KCNH4: variants seen among roughly 807,000 people sequenced by gnomAD.
KCNH4 encodes the protein voltage-gated delayed rectifier potassium channel KCNH4.
In KCNH4, 33 loss-of-function variants were observed where a neutral mutation model predicts 90.7. That is an observed-to-expected ratio of 0.36 (90% CI 0.28 to 0.49). The LOEUF (loss-of-function observed/expected upper bound fraction) is 0.49, where lower values mean the gene tolerates loss of function less well. Ranked by LOEUF, KCNH4 falls within the 20% of genes least tolerant of loss-of-function variation. KCNH4 has a pLI of 0.98. For synonymous variants in KCNH4, 551 were observed against 581.7 expected (o/e 0.95, Z 0.76); for missense variants, 1,044 against 1,387.1 (o/e 0.75, Z 3.93).
At chr17:42,173,055 G>T (rs1465146021) in intron 6 of KCNH4, among the ~76,000 whole-genome samples, 1 of 151,874 alleles carries the variant, frequency 6.6e-6, no homozygotes, top group Non-Finnish European at 1.5e-5. Context: ...TACCTGGTAA[G>T]TGTCCCATAT....
At position 42,165,952 on chromosome 17, in the gene KCNH4, G is replaced by A. The variant is rs564528474; in HGVS notation, c.1841-259C>T. Among the ~76,000 whole-genome samples the A allele has an allele frequency of 1.0e-3, 155 of 152,226 alleles. 2 individuals carry two copies. The highest frequency in any genetic ancestry group is 6.8e-3 in the Middle Eastern group (2 of 294). On this transcript the variant is annotated intron_variant, in intron 10 of 16. Coordinates refer to ENST00000264661, the MANE Select transcript of KCNH4 (RefSeq NM_012285.3). ...GGAATTGGGTGATAAAAATCACAAT[G>A]GCCGGAGGGGTCAGGTCAGTTAGAG... is the stretch of plus-strand genomic sequence containing the variant.
chr17:42,169,339 C>A, intron 9 of KCNH4, 138 bp downstream of exon 9: 1 of 796,286 alleles, frequency 1.3e-6, no homozygotes, highest in Non-Finnish European at 2.0e-6. Context: ...CTCAGCCTCC[C>A]AAAGTGCTGG....
Position 42,178,023 on chromosome 17 carries a change from T to C in KCNH4, c.585+77A>G, listed in dbSNP as rs2079873988. ...GAGGGACACCAGACAGACAGGGAAGTGGGGAGACAGTGGCAGGGGTGCCTC... is the reference window on the plus strand; with the variant it reads ...GAGGGACACCAGACAGACAGGGAAGCGGGGAGACAGTGGCAGGGGTGCCTC... On this transcript the variant is annotated intron_variant, in intron 4 of 16. Coordinates refer to ENST00000264661, the MANE Select transcript of KCNH4 (RefSeq NM_012285.3). The C allele has an allele frequency of 2.6e-6, 4 of 1,553,572 alleles. No individual in the cohort carries two copies. In the East Asian group the frequency reaches 9.0e-5, roughly 35 times the overall value.
At chr17:42,177,241 GT>G in intron 4 of KCNH4, among the ~76,000 whole-genome samples, 1 of 151,936 alleles carries the variant, frequency 6.6e-6, no homozygotes, top group Admixed American at 6.5e-5. Context: ...TAGAGATGGG[GT>G]TTCTCCATGT....
At chr17:42,174,452 G>A (rs2079848418) in intron 6 of KCNH4, among the ~76,000 whole-genome samples, 3 of 152,166 alleles carry the variant, frequency 2.0e-5, no homozygotes, top group African/African-American at 7.2e-5. Flanking sequence ...GCACCCCTGG[G>A]GAGGGGTAGG....
At position 42,170,386 on chromosome 17, in the gene KCNH4, G is replaced by A. The variant is rs938594888; in HGVS notation, c.1196-85C>T. On this transcript the variant is annotated intron_variant, in intron 7 of 16. Coordinates refer to ENST00000264661, the MANE Select transcript of KCNH4 (RefSeq NM_012285.3). ...CCTGAGCCACCTACGCTTGACCTTC[G>A]GCAAGTATTTATACACAGGTTGGCA... The A allele has an allele frequency of 1.2e-5, 14 of 1,189,062 alleles. No individual in the cohort carries two copies. In the East Asian group the frequency reaches 1.3e-4, roughly 11 times the overall value. The allele number at this position is 1,189,062 out of a possible 1,614,324, so 73.7% of individuals were successfully genotyped here. A position where few individuals can be genotyped will look rare whatever the true frequency, so the allele number is the denominator to read the frequency against.
intron 4 of KCNH4, among the ~76,000 whole-genome samples, chr17:42,177,766 C>G (rs1171361763): frequency 6.6e-6 from 1 of 152,154 alleles, no homozygotes; most frequent in African/African-American, 2.4e-5. Context: ...GGGCTTTCTC[C>G]CTAGAACTAT....
chr17:42,173,601 T>G (rs1336606156), intron 6 of KCNH4, among the ~76,000 whole-genome samples: 1 of 149,002 alleles, frequency 6.7e-6, no homozygotes, highest in Non-Finnish European at 1.5e-5. Context: ...ATTCCTCATC[T>G]CACCAGACCA....
At position 42,180,707 on chromosome 17, in the gene KCNH4, A is replaced by C; in HGVS notation, c.76+163T>G. Among the ~76,000 whole-genome samples, 2 of 134,474 alleles carry C rather than the reference A, an allele frequency of 1.5e-5. No individual in the cohort carries two copies. The highest frequency in any genetic ancestry group is 1.6e-5 in the Non-Finnish European group (1 of 62,168). 88.2% of individuals were successfully genotyped at this position (134,474 alleles called of 152,430 possible). ...CTTTCCCCTCCTCCCCTCGCAGGGC[A>C]CTCCCCGCCCTGTTCCTGCACCGCG... On this transcript the variant is annotated intron_variant, in intron 1 of 16. Transcript: ENST00000264661. This position sits in a 1 kb window ranked among gnomAD's most constrained non-coding sequence, Gnocchi z 4.7.
rs774767675 is a variant in KCNH4 at position 42,178,174 on chromosome 17, G to A, written c.511C>T (p.Arg171Trp). 5.0e-6 allele frequency: 8 copies of A among 1,614,220 alleles called. No homozygotes were observed. Among genetic ancestry groups the A allele is most frequent in the African/African-American group, 1.3e-5 (1 of 75,044 alleles). ...ATWKFRSARR[R>W]SRTVLHRLTG... ...AGTCGGTGTAGGACAGTACGGCTCC[G>A]TCTTCTGGCAGACCGAAATTTCCAG... is the stretch of plus-strand genomic sequence containing the variant. The change falls in exon 4 of 17, where the codon CGG becomes TGG. Residue 171 changes from arginine (R) to tryptophan (W), a missense_variant. By Grantham distance (101) the Arg-to-Trp change is moderately radical. Transcript: ENST00000264661.
At chr17:42,165,097 C>T (rs539410473) in intron 11 of KCNH4, among the ~76,000 whole-genome samples, 84 of 150,038 alleles carry the variant, frequency 5.6e-4, no homozygotes, top group African/African-American at 2.1e-3. Flanking sequence ...CAGAGTAAGA[C>T]TTCGTCTCAA....
At position 42,163,837 on chromosome 17, in the gene KCNH4, A is replaced by G. The variant is rs1412302343; in HGVS notation, c.2246T>C (p.Leu749Pro). Residue 749 changes from leucine (L) to proline (P), a missense_variant, in exon 13 of 17, where the codon CTC (leucine) becomes CCC (proline). By Grantham distance (98) the Leu-to-Pro change is moderately conservative. Transcript: ENST00000264661. This position sits in a 1 kb window ranked among gnomAD's most constrained non-coding sequence, Gnocchi z 5.4. ...RPRRPLLLPN[L>P]SPARPRGSLV... ...GGAGCCCCGAGGCCGTGCTGGGCTGAGGTTGGGCAGCAGGAGGGGCCGTCG... is the reference window on the plus strand; with the variant it reads ...GGAGCCCCGAGGCCGTGCTGGGCTGGGGTTGGGCAGCAGGAGGGGCCGTCG... 2 of 1,512,772 alleles carry G rather than the reference A, an allele frequency of 1.3e-6. No individual in the cohort carries two copies. Among genetic ancestry groups the G allele is most frequent in the Admixed American group, 2.3e-5 (1 of 43,766 alleles). 93.7% of individuals were successfully genotyped at this position (1,512,772 alleles called of 1,614,324 possible).
chr17:42,159,927 A>G lies in KCNH4; in HGVS notation c.*113T>C. The G allele has an allele frequency of 1.3e-6, 1 of 756,432 alleles. No homozygotes were observed. The highest frequency in any genetic ancestry group is 2.0e-6 in the Non-Finnish European group (1 of 511,202). 46.9% of individuals were successfully genotyped at this position (756,432 alleles called of 1,614,324 possible). A position where few individuals can be genotyped will look rare whatever the true frequency, so the allele number is the denominator to read the frequency against. ...TAAAAAGTCCAGAAATCCAGAGCCAACCAGGCCAGCTGGTGGCTGCTGACC... is the reference window on the plus strand; with the variant it reads ...TAAAAAGTCCAGAAATCCAGAGCCAGCCAGGCCAGCTGGTGGCTGCTGACC... On this transcript the variant is annotated 3_prime_UTR_variant, in exon 16 of 17. Coordinates refer to ENST00000264661, the MANE Select transcript of KCNH4 (RefSeq NM_012285.3).
chr17:42,173,124 C>T (rs1039362909), intron 6 of KCNH4, among the ~76,000 whole-genome samples: 3 of 151,746 alleles, frequency 2.0e-5, no homozygotes, highest in African/African-American at 7.3e-5. Context: ...ATTAGCCCTT[C>T]AATCTTGGAG....
chr17:42,163,990 G>A lies in KCNH4; in HGVS notation c.2125-32C>T. 6.6e-7 allele frequency: 1 copy of A among 1,508,640 alleles called. No homozygotes were observed. Among genetic ancestry groups the A allele is most frequent in the Non-Finnish European group, 8.9e-7 (1 of 1,123,600 alleles). 93.5% of individuals were successfully genotyped at this position (1,508,640 alleles called of 1,614,324 possible). ...GCAGAGGGGGCAGCTGATGTCGCAG[G>A]ACAGTGAACAACAGACCCCTTCATT... On this transcript the variant is annotated intron_variant, in intron 12 of 16. Transcript: ENST00000264661. The surrounding 1 kb of genome is among the most constrained non-coding windows in gnomAD (Gnocchi z 5.4).
chr17:42,162,169 C>T (rs542748695), intron 15 of KCNH4, 79 bp downstream of exon 15: 104 of 1,280,496 alleles, frequency 8.1e-5, no homozygotes, highest in Admixed American at 1.6e-4. Flanking sequence ...TGGTCCCAAA[C>T]TCCTGACCTC....
chr17:42,160,967 G>A (rs1243540401), intron 15 of KCNH4, among the ~76,000 whole-genome samples: 2 of 110,292 alleles, frequency 1.8e-5, no homozygotes, highest in East Asian at 3.1e-4. Flanking sequence ...TCACTCTGTT[G>A]CCAGGCTGGA....
rs746019611 is a variant in KCNH4, at chr17:42,178,836, G to T, written c.267C>A (p.Gly89=). 1 of 1,614,028 alleles carries T rather than the reference G, an allele frequency of 6.2e-7. No individual in the cohort carries two copies. The highest frequency in any genetic ancestry group is 2.2e-5 in the East Asian group (1 of 44,886). The change falls in exon 2 of 17, where the codon GGC becomes GGA. Residue 89 remains glycine (G), a synonymous_variant. Transcript: ENST00000264661. ...ALQRLHKALE[G]HQEHRAEICF... ...AGATTTCAGCCCGGTGCTCCTGGTG[G>T]CCCTCCAGGGCTTTGTGCAGACGCT...
chr17:42,175,453 C>A (rs750272469), intron 6 of KCNH4, 126 bp downstream of exon 6: 61 of 1,102,698 alleles, frequency 5.5e-5, no homozygotes, highest in Non-Finnish European at 7.0e-5. Flanking sequence ...AGAGCAGGTG[C>A]CTGATAAATA....
Sources: gnomAD v4.1 joint callset for allele counts (sites outside exome capture counted in the v4.1 genomes callset) on GRCh38, gnomAD v4.1.1 for gene constraint, Gnocchi (gnomAD v3.1) non-coding constraint, MANE v1.5 for transcripts, NCBI Gene and HGNC (gene_info 2026-07-23, HGNC 2026-07-21) for gene names.